Variants in PLXND1 observed in about 807,000 individuals in gnomAD.
PLXND1 encodes the protein plexin-D1.
A neutral mutation model predicts 197.7 loss-of-function variants in PLXND1; 54 were observed. The ratio of observed to expected loss-of-function variants is 0.27; its 90% CI spans 0.22 to 0.34. The LOEUF (loss-of-function observed/expected upper bound fraction) is 0.34, where lower values mean the gene tolerates loss of function less well. Among genes scored for constraint, PLXND1 ranks in the 10% least tolerant of loss-of-function variants. The probability of loss-of-function intolerance (pLI) is 1.00; values close to 1 mark genes in which losing one functional copy is unlikely to be tolerated. For synonymous variants in PLXND1, 1,180 were observed against 1,161.2 expected (o/e 1.02, Z -0.33); for missense variants, 2,127 against 2,699.2 (o/e 0.79, Z 4.70).
At chr3:129,588,746 G>T (rs2085495951) in intron 2 of PLXND1, among the ~76,000 whole-genome samples, 1 of 152,264 alleles carries the variant, frequency 6.6e-6, no homozygotes, top group African/African-American at 2.4e-5. Context: ...GCACCTGGGG[G>T]TCTGGCCCAG....
chr3:129,591,691 T>C (rs565284079), intron 1 of PLXND1: 34 of 152,264 alleles, frequency 2.2e-4, no homozygotes, highest in African/African-American at 7.5e-4. Flanking sequence ...CAACTGCTGA[T>C]CAAAAAAGAA....
In PLXND1 at chr3:129,589,531, G is replaced by A; in HGVS notation, c.1312-4C>T. ...AGTCCAGCTGCTCTGGCTGGAGCTG[G>A]AAGAGGAACGGCACGTCAGATCCCA... On this transcript the variant is annotated splice_polypyrimidine_tract_variant and splice_region_variant and intron_variant, in intron 1 of 35. Transcript: ENST00000324093. 6.4e-7 allele frequency: 1 copy of A among 1,569,132 alleles called. No homozygotes were observed. The highest frequency in any genetic ancestry group is 8.6e-7 in the Non-Finnish European group (1 of 1,159,038).
chr3:129,594,956 C>A (rs974922766), intron 1 of PLXND1, among the ~76,000 whole-genome samples: 2 of 152,182 alleles, frequency 1.3e-5, no homozygotes, highest in Non-Finnish European at 1.5e-5. Context: ...AACACAAACC[C>A]AAACTTTGCT....
In PLXND1 at chr3:129,572,624, G is replaced by T. The variant is rs1167400911; in HGVS notation, c.3062C>A (p.Pro1021His). 16 of 1,568,554 alleles carry T rather than the reference G, an allele frequency of 1.0e-5. No homozygotes were observed. The highest frequency in any genetic ancestry group is 1.4e-5 in the Non-Finnish European group (16 of 1,157,328). ...ELQVLVNDTD[P>H]CTELMRTDTS... ...AGAGGCTTACATCAGCTCCGTGCAG[G>T]GGTCTGTGTCGTTCACCAGGACCTG... Residue 1021 changes from proline (P) to histidine (H), a missense_variant, in exon 15 of 36, where the codon CCC becomes CAC. This residue lies in a region of PLXND1 where 1,095 missense variants were observed against 1,259.8 expected (regional missense o/e 0.87). Coordinates refer to ENST00000324093, the MANE Select transcript of PLXND1 (RefSeq NM_015103.3).
At chr3:129,569,034 A>C (rs2085183324) in intron 20 of PLXND1, among the ~76,000 whole-genome samples, 1 of 152,240 alleles carries the variant, frequency 6.6e-6, no homozygotes, top group Non-Finnish European at 1.5e-5. Flanking sequence ...TAAACATTTC[A>C]TATAAATGGC....
chr3:129,569,910 C>A lies in PLXND1; in HGVS notation c.3798G>T (p.Gly1266=). ...ACACGATGATGGCCGTCTCGCTGCC[C>A]CCCAGCTGCAGTGTGGCGATGGTCT... The part of the protein sequence containing the change: ...FNQTIATLQL[G]GSETAIIVSI... Residue 1266 remains glycine, a synonymous_variant, in exon 20 of 36, where the codon GGG becomes GGT. Transcript: ENST00000324093. The A allele has an allele frequency of 5.0e-6, 8 of 1,613,574 alleles. No homozygotes were observed. The highest frequency in any genetic ancestry group is 1.7e-6 in the Non-Finnish European group (2 of 1,179,608).
chr3:129,600,674 C>T (rs1000454136), intron 1 of PLXND1, among the ~76,000 whole-genome samples: 1 of 151,628 alleles, frequency 6.6e-6, no homozygotes, highest in Non-Finnish European at 1.5e-5. Flanking sequence ...GCCAATCCTC[C>T]TAGAACCCCC....
Position 129,605,906 on chromosome 3 carries a change from G to A in PLXND1, c.734C>T (p.Thr245Met). ...GAAGAGCTTGGCCAGGTCGCCGCGC[G>A]TGTCCAGGGAGCGGATGGCGATCTC... ...TPEIAIRSLD[T>M]RGDLAKLFTF... is the part of the protein sequence containing the mutation. Residue 245 changes from threonine to methionine, a missense_variant, in exon 1 of 36, where the codon ACG (threonine) becomes ATG (methionine). Physicochemically the swap from Thr to Met is moderately conservative, Grantham distance 81. Transcript: ENST00000324093. The A allele has an allele frequency of 6.2e-7, 1 of 1,613,444 alleles. No homozygotes were observed. The highest frequency in any genetic ancestry group is 8.5e-7 in the Non-Finnish European group (1 of 1,179,796).
intron 1 of PLXND1, among the ~76,000 whole-genome samples, chr3:129,604,708 C>T (rs1211391524): frequency 2.0e-5 from 3 of 152,226 alleles, no homozygotes; most frequent in African/African-American, 7.2e-5. Flanking sequence ...GCCCAAATAC[C>T]TGCGTCCCCT....
rs2085799580 is a variant in PLXND1, at chr3:129,606,606, T to G, written c.34A>C (p.Ser12Arg). Residue 12 changes from serine (S) to arginine (R), a missense_variant, in exon 1 of 36, where the codon AGC becomes CGC. Physicochemically the swap from Ser to Arg is moderately radical, Grantham distance 110. Transcript: ENST00000324093. ...GGGCTGGCGGCGGCGGCCCGGGCGC[T>G]AAGGGGTGCGCCGCCCGCGGCGCGA... ...APRAAGGAPL[S>R]ARAAAASPPP... The G allele has an allele frequency of 8.4e-7, 1 of 1,189,600 alleles. No homozygotes were observed. Among genetic ancestry groups the G allele is most frequent in the African/African-American group, 1.6e-5 (1 of 61,732 alleles). The allele number at this position is 1,189,600 out of a possible 1,614,324, so 73.7% of individuals were successfully genotyped here.
Position 129,567,582 on chromosome 3 carries a change from G to T in PLXND1, c.3996C>A (p.Asp1332Glu). The T allele has an allele frequency of 6.2e-7, 1 of 1,611,704 alleles. No individual in the cohort carries two copies. The highest frequency in any genetic ancestry group is 8.5e-7 in the Non-Finnish European group (1 of 1,178,470). ...TCAGCTCCTTGGTGAGATCTGTCAT[G>T]TCTGTCTGCAGCTCAGCGAAGCCTG... is the stretch of plus-strand genomic sequence containing the variant. ...IRKGFAELQTDMTDLTKELNR... is the reference protein window; with the variant it reads ...IRKGFAELQTEMTDLTKELNR... Residue 1332 changes from aspartate to glutamate, a missense_variant, in exon 22 of 36, where the codon GAC (aspartate) becomes GAA (glutamate). Physicochemically the swap from Asp to Glu is conservative, Grantham distance 45 (BLOSUM62 2). Transcript: ENST00000324093.
In PLXND1 at chr3:129,577,131, G is replaced by A. The variant is rs1294622445; in HGVS notation, c.2346+1198C>T. Among the ~76,000 whole-genome samples the A allele has an allele frequency of 1.3e-5, 2 of 151,988 alleles. No individual in the cohort carries two copies. The highest frequency in any genetic ancestry group is 4.8e-5 in the African/African-American group (2 of 41,262). On this transcript the variant is annotated intron_variant, in intron 9 of 35. Coordinates refer to ENST00000324093, the MANE Select transcript of PLXND1 (RefSeq NM_015103.3). The surrounding 1 kb of genome is among the most constrained non-coding windows in gnomAD (Gnocchi z 5.0). Reference sequence around the variant, plus strand: ...CCCTGCCATGCTGAGCTGGAGATGGGTCCCTCCTCTTAGTCCTCAGCCACC... The same window carrying A: ...CCCTGCCATGCTGAGCTGGAGATGGATCCCTCCTCTTAGTCCTCAGCCACC...
rs192464570 is a variant in PLXND1 at position 129,557,426 on chromosome 3, G to A, written c.5446-203C>T. On this transcript the variant is annotated intron_variant, in intron 33 of 35. Coordinates refer to ENST00000324093, the MANE Select transcript of PLXND1 (RefSeq NM_015103.3). This position sits in a 1 kb window ranked among gnomAD's most constrained non-coding sequence, Gnocchi z 4.8. Reference sequence around the variant, plus strand: ...CTCCTCACTGTGCTCTGTCTGCCCCGCCTACTTTCCCCAGGACTGTTAGGA... The same window carrying A: ...CTCCTCACTGTGCTCTGTCTGCCCCACCTACTTTCCCCAGGACTGTTAGGA... Among the ~76,000 whole-genome samples the A allele has an allele frequency of 2.6e-5, 4 of 152,130 alleles. No individual in the cohort carries two copies. The highest frequency in any genetic ancestry group is 5.9e-5 in the Non-Finnish European group (4 of 68,024).
rs1219631844 is a variant in PLXND1 at position 129,606,156 on chromosome 3, G to C, written c.484C>G (p.Arg162Gly). Residue 162 changes from arginine (R) to glycine (G), a missense_variant, in exon 1 of 36, where the codon CGC (arginine) becomes GGC (glycine). Physicochemically the swap from Arg to Gly is moderately radical, Grantham distance 125 (BLOSUM62 -2). Transcript: ENST00000324093. ...GCGGGCGGCGCGGCGGGCGGGAAGC[G>C]CACGGCCACGGCCGAGATGTTGCCC... is the stretch of plus-strand genomic sequence containing the variant. ...RRGNISAVAV[R>G]FPPAAPPAEP... is the part of the protein sequence containing the mutation. 1.3e-6 allele frequency: 2 copies of C among 1,521,138 alleles called. No individual in the cohort carries two copies. The highest frequency in any genetic ancestry group is 1.2e-5 in the South Asian group (1 of 81,512). The allele number at this position is 1,521,138 out of a possible 1,614,324, so 94.2% of individuals were successfully genotyped here. A position where few individuals can be genotyped will look rare whatever the true frequency, so the allele number is the denominator to read the frequency against.
At chr3:129,556,953 G>T (rs1383389225) in intron 34 of PLXND1, 130 bp downstream of exon 34, 2 of 1,032,542 alleles carry the variant, frequency 1.9e-6, no homozygotes, top group Non-Finnish European at 2.8e-6. Context: ...GCCAGCAAGA[G>T]GCCACAGCCA....
chr3:129,578,783 T>C (rs1285444861), intron 8 of PLXND1, among the ~76,000 whole-genome samples: 2 of 152,152 alleles, frequency 1.3e-5, no homozygotes, highest in African/African-American at 2.4e-5. Flanking sequence ...GGGCCTCACC[T>C]TTCCCAATAG....
In PLXND1 at chr3:129,560,406, G is replaced by T; in HGVS notation, c.5057C>A (p.Pro1686His). ...ATGGCTCTGCCGGTGAGACTTCTTGGGCTCCGCCAGCTCGTCCGTAGGCAG... is the reference window on the plus strand; with the variant it reads ...ATGGCTCTGCCGGTGAGACTTCTTGTGCTCCGCCAGCTCGTCCGTAGGCAG... ...LVLPTDELAE[P>H]KKSHRQSHRK... is the part of the protein sequence containing the mutation. Residue 1686 changes from proline to histidine, a missense_variant, in exon 31 of 36, where the codon CCC (proline) becomes CAC (histidine). Physicochemically the swap from Pro to His is moderately conservative, Grantham distance 77 (BLOSUM62 -2). Transcript: ENST00000324093. 1 of 1,613,818 alleles carries T rather than the reference G, an allele frequency of 6.2e-7. No homozygotes were observed. Among genetic ancestry groups the T allele is most frequent in the Non-Finnish European group, 8.5e-7 (1 of 1,179,776 alleles).
At chr3:129,586,441 G>T in intron 3 of PLXND1, 147 bp downstream of exon 3, 1 of 1,112,694 alleles carries the variant, frequency 9.0e-7, no homozygotes, top group Non-Finnish European at 1.3e-6. Context: ...GGTCGGTGTT[G>T]GGAGGCGCAG....
chr3:129,580,489 G>A (rs1290540435), intron 8 of PLXND1, among the ~76,000 whole-genome samples: 4 of 152,110 alleles, frequency 2.6e-5, no homozygotes, highest in Admixed American at 1.3e-4. Context: ...GCGGCTGGCT[G>A]GGGCCCAGCC....
Sources: gnomAD v4.1 joint callset for allele counts (sites outside exome capture counted in the v4.1 genomes callset) on GRCh38, gnomAD v4.1.1 for gene constraint, gnomAD v4.1.1 regional missense constraint, Gnocchi (gnomAD v3.1) non-coding constraint, MANE v1.5 for transcripts, NCBI Gene and HGNC (gene_info 2026-07-23, HGNC 2026-07-21) for gene names.